LRCH2: variants seen among roughly 807,000 people sequenced by gnomAD.
The protein encoded by LRCH2 is leucine-rich repeat and calponin homology domain-containing protein 2.
Under a neutral mutation model 68.9 loss-of-function variants are expected in LRCH2, and 38 were observed. The observed-to-expected ratio is 0.55, with a 90% confidence interval of 0.43 to 0.72. The LOEUF is 0.72. Ranked by LOEUF, LRCH2 falls within the 30% of genes least tolerant of loss-of-function variation. The pLI is 0.00. For missense variants in LRCH2, 528 were observed against 572.9 expected (o/e 0.92, Z 0.80); for synonymous variants, 191 against 208.1 (o/e 0.92, Z 0.71).
chrX:115,205,399 CACAT>C (rs1556567603), intron 1 of LRCH2, among the ~76,000 whole-genome samples: 1 of 112,180 alleles, frequency 8.9e-6, no homozygotes, highest in African/African-American at 3.2e-5. Context: ...TTTGTCAAAA[CACAT>C]ACAACTATAC....
intron 6 of LRCH2, among the ~76,000 whole-genome samples, chrX:115,167,191 T>TA (rs58298502): frequency 0.11 from 921 of 8,366 alleles, 325 homozygotes; most frequent in African/African-American, 0.31. Context: ...AGTTTCATGC[T>TA]AAAAAAAAAA....
chrX:115,191,268 T>A, intron 1 of LRCH2: 2 of 1,076,038 alleles, frequency 1.9e-6, no homozygotes. Context: ...GCTCGCCCAA[T>A]GCCTACAGCG....
intron 20 of LRCH2, among the ~76,000 whole-genome samples, chrX:115,121,604 C>T (rs1046684272): frequency 3.6e-5 from 4 of 112,236 alleles, no homozygotes; most frequent in Admixed American, 9.4e-5. Flanking sequence ...GAGACGAGAT[C>T]GTGCCACTGC....
At position 115,184,363 on chromosome X, in the gene LRCH2, T is replaced by C. The variant is rs376658536; in HGVS notation, c.621+48A>G. On this transcript the variant is annotated intron_variant, in intron 3 of 20. Transcript: ENST00000317135. ...TAAAAATAGGTAATCTTCCAAAATG[T>C]AGATATATTACGCATATTGCATTAA... 8.5e-5 allele frequency: 82 copies of C among 959,086 alleles called. No homozygotes were observed. In the Middle Eastern group the frequency reaches 3.3e-3, roughly 39 times the overall value. The allele number at this position is 959,086 out of a possible 1,213,427, so 79.0% of individuals were successfully genotyped here. A position where few individuals can be genotyped will look rare whatever the true frequency, so the allele number is the denominator to read the frequency against.
chrX:115,156,951 T>C lies in LRCH2; in HGVS notation c.1464-284A>G, dbSNP rs60941294. 3.4e-4 allele frequency among the ~76,000 whole-genome samples: 38 copies of C among 111,432 alleles called. No homozygotes were observed. The East Asian group carries it at 9.5e-3, about 28-fold the overall frequency. On this transcript the variant is annotated intron_variant, in intron 11 of 20. Coordinates refer to ENST00000317135, the MANE Select transcript of LRCH2 (RefSeq NM_020871.4). ...TTGCATATCTAACTTTTGGCTGAGA[T>C]AGAAGATAAAGAGATACAGAGGTAC...
intron 1 of LRCH2, 75 bp from the exon 2 acceptor site, chrX:115,188,445 G>T: frequency 1.5e-6 from 1 of 678,428 alleles, no homozygotes; most frequent in Non-Finnish European, 2.1e-6. Flanking sequence ...CACACTTGCT[G>T]AATCACTTAG....
chrX:115,193,864 CAAGT>C (rs781865712), intron 1 of LRCH2, among the ~76,000 whole-genome samples: 1 of 111,539 alleles, frequency 9.0e-6, no homozygotes, highest in South Asian at 3.8e-4. Flanking sequence ...GAGTAACTAT[CAAGT>C]TAGTTACCTT....
intron 1 of LRCH2, chrX:115,189,714 C>T: frequency 4.3e-6 from 5 of 1,167,760 alleles, no homozygotes; most frequent in Non-Finnish European, 5.7e-6. Context: ...CATTCAAGAG[C>T]AGCCGATGGG....
chrX:115,197,005 C>T (rs1372387484), intron 1 of LRCH2, among the ~76,000 whole-genome samples: 1 of 110,158 alleles, frequency 9.1e-6, no homozygotes, highest in Non-Finnish European at 1.9e-5. Context: ...TCACCACAGG[C>T]CCCACCAAGA....
chrX:115,207,238 G>C (rs782307547), intron 1 of LRCH2, among the ~76,000 whole-genome samples: 1 of 111,101 alleles, frequency 9.0e-6, no homozygotes, highest in Non-Finnish European at 1.9e-5. Context: ...CCTAAAAATC[G>C]GGGGAAAAAA....
At chrX:115,161,086 C>T (rs781818074) in intron 11 of LRCH2, among the ~76,000 whole-genome samples, 280 of 112,407 alleles carry the variant, frequency 2.5e-3, no homozygotes, top group African/African-American at 8.3e-3. Context: ...GGCGTGGTGG[C>T]TCACGCCTGT....
chrX:115,193,051 G>A (rs1319324683), intron 1 of LRCH2, among the ~76,000 whole-genome samples: 1 of 111,277 alleles, frequency 9.0e-6, no homozygotes, highest in Admixed American at 9.6e-5. Context: ...GTGGAGAGTG[G>A]GAGGGATTGG....
intron 10 of LRCH2, among the ~76,000 whole-genome samples, chrX:115,164,380 C>T (rs1488460027): frequency 9.0e-6 from 1 of 111,525 alleles, no homozygotes; most frequent in Non-Finnish European, 1.9e-5. Context: ...ACTTTAAAAA[C>T]AGTATCAAAC....
chrX:115,169,067 G>A (rs1556546476), intron 6 of LRCH2, among the ~76,000 whole-genome samples: 1 of 112,122 alleles, frequency 8.9e-6, no homozygotes, highest in East Asian at 2.8e-4. Flanking sequence ...TTCTGCCTAA[G>A]ATGCTCTTAC....
chrX:115,172,577 T>C (rs2072612387), intron 5 of LRCH2, among the ~76,000 whole-genome samples: 1 of 111,448 alleles, frequency 9.0e-6, no homozygotes, highest in South Asian at 3.7e-4. Context: ...TACAGAGTAA[T>C]ATGATTACAT....
chrX:115,189,508 G>A (rs1556556097), intron 1 of LRCH2: 1 of 1,180,892 alleles, frequency 8.5e-7, no homozygotes, highest in African/African-American at 1.8e-5. Context: ...CGACGAGAAA[G>A]CCCTCAAAGC....
At chrX:115,183,292 C>A (rs185541658) in intron 3 of LRCH2, among the ~76,000 whole-genome samples, 272 of 111,738 alleles carry the variant, frequency 2.4e-3, no homozygotes, top group African/African-American at 8.1e-3. Flanking sequence ...CCTGAAATTT[C>A]TGCTCATTAC....
chrX:115,173,424 A>T, intron 5 of LRCH2, among the ~76,000 whole-genome samples: 1 of 111,927 alleles, frequency 8.9e-6, no homozygotes, highest in South Asian at 3.7e-4. Flanking sequence ...GCACTCACAG[A>T]TGATAAAAGG....
At chrX:115,214,199 T>C (rs2073026859) in intron 1 of LRCH2, among the ~76,000 whole-genome samples, 1 of 112,200 alleles carries the variant, frequency 8.9e-6, no homozygotes, top group Non-Finnish European at 1.9e-5. Flanking sequence ...TCTCAAATGT[T>C]AGCAATTCCT....
Sources: allele counts gnomAD v4.1 joint callset (sites outside exome capture counted in the v4.1 genomes callset), GRCh38; gene constraint gnomAD v4.1.1; transcripts MANE v1.5; gene names NCBI Gene and HGNC (gene_info 2026-07-23, HGNC 2026-07-21).